The following DLGAP2 variants were observed in gnomAD, a reference collection of about 807,000 sequenced individuals.
DLGAP2 encodes disks large-associated protein 2.
Under a neutral mutation model 100.3 loss-of-function variants are expected in DLGAP2, and 26 were observed. That is an observed-to-expected ratio of 0.26 (90% CI 0.19 to 0.36). DLGAP2 has a LOEUF of 0.36. DLGAP2 is among the 10% of genes least tolerant of loss of function. The pLI is 1.00. For missense variants in DLGAP2, 1,858 were observed against 1,453.2 expected, an observed-to-expected ratio of 1.28 and a Z score of -4.53; for synonymous variants, 886 against 630.1, an observed-to-expected ratio of 1.41 and a Z score of -6.08.
At chr8:1,248,924 A>T (rs899676778) in intron 2 of DLGAP2, among the ~76,000 whole-genome samples, 3 of 152,152 alleles carry the variant, frequency 2.0e-5, no homozygotes, top group African/African-American at 7.2e-5. Context: ...TGAAGGTGAA[A>T]ACTTGACATT....
At chr8:870,247 A>G (rs1797572397) in intron 1 of DLGAP2, among the ~76,000 whole-genome samples, 1 of 152,212 alleles carries the variant, frequency 6.6e-6, no homozygotes, top group Admixed American at 6.5e-5. Flanking sequence ...CTGAGCTGTC[A>G]TCACTTAACA....
intron 2 of DLGAP2, among the ~76,000 whole-genome samples, chr8:912,781 G>A (rs935123669): frequency 9.7e-5 from 14 of 144,880 alleles, no homozygotes; most frequent in East Asian, 2.0e-4. Flanking sequence ...GCGCTATGGT[G>A]CCCACGTTCC....
chr8:1,274,068 G>A (rs921152809), intron 3 of DLGAP2, among the ~76,000 whole-genome samples: 6 of 152,052 alleles, frequency 3.9e-5, no homozygotes, highest in African/African-American at 1.2e-4. Context: ...TTCTAACAGC[G>A]TGACGGCTCT....
chr8:1,668,698 C>G lies in DLGAP2; in HGVS notation c.2160+20C>G, dbSNP rs776597119. 1.5e-5 allele frequency: 23 copies of G among 1,501,400 alleles called. No individual in the cohort carries two copies. In the South Asian group the frequency reaches 2.4e-4, roughly 15 times the overall value. 93.0% of individuals were successfully genotyped at this position (1,501,400 alleles called of 1,614,324 possible). On this transcript the variant is annotated intron_variant, in intron 9 of 14. Transcript: ENST00000637795. Reference sequence around the variant, plus strand: ...ATTCAGGTAGCTGCTCTTGGCCGCCCGTCAGGGCCTCGCTCCACTCAGTCC... The same window carrying G: ...ATTCAGGTAGCTGCTCTTGGCCGCCGGTCAGGGCCTCGCTCCACTCAGTCC...
intron 2 of DLGAP2, among the ~76,000 whole-genome samples, chr8:1,186,559 T>C (rs978660730): frequency 2.0e-5 from 3 of 152,100 alleles, no homozygotes; most frequent in African/African-American, 7.2e-5. Flanking sequence ...CCCTGAGAGA[T>C]GTTATTACGG....
chr8:1,539,197 T>A (rs913534684), intron 4 of DLGAP2, among the ~76,000 whole-genome samples: 4 of 152,162 alleles, frequency 2.6e-5, no homozygotes, highest in Admixed American at 2.0e-4. Context: ...GTCACTCATC[T>A]TTTTTCGTTT....
intron 1 of DLGAP2, among the ~76,000 whole-genome samples, chr8:763,449 T>G (rs1174619771): frequency 6.6e-6 from 1 of 152,194 alleles, no homozygotes. Flanking sequence ...TTAGAAGTTG[T>G]TAAAGGAGGA....
chr8:776,602 T>C (rs1195591344), intron 1 of DLGAP2, among the ~76,000 whole-genome samples: 1 of 152,246 alleles, frequency 6.6e-6, no homozygotes, highest in Non-Finnish European at 1.5e-5. Context: ...TTCATTTCGT[T>C]ATGTACCCAG....
At chr8:822,346 C>T (rs1020074493) in intron 1 of DLGAP2, among the ~76,000 whole-genome samples, 2 of 152,112 alleles carry the variant, frequency 1.3e-5, no homozygotes, top group African/African-American at 2.4e-5. Flanking sequence ...TGGAAGGAAA[C>T]AGGCAGCCGG....
At chr8:1,231,691 C>T (rs1798539375) in intron 2 of DLGAP2, among the ~76,000 whole-genome samples, 1 of 152,090 alleles carries the variant, frequency 6.6e-6, no homozygotes, top group African/African-American at 2.4e-5. Context: ...AATGTGGATG[C>T]AGAAGGTCAT....
At chr8:1,571,723 G>A (rs1465892588) in intron 6 of DLGAP2, among the ~76,000 whole-genome samples, 24 of 134,772 alleles carry the variant, frequency 1.8e-4, no homozygotes, top group East Asian at 7.4e-4. Flanking sequence ...AACTGTGGGG[G>A]CGTCTGATGA....
chr8:1,699,192 T>A (rs546039655), intron 14 of DLGAP2, among the ~76,000 whole-genome samples: 20 of 152,308 alleles, frequency 1.3e-4, no homozygotes, highest in African/African-American at 4.8e-4. Context: ...CTACCCAAGC[T>A]GCGCATAGAG....
intron 1 of DLGAP2, among the ~76,000 whole-genome samples, chr8:765,041 T>C (rs1275240350): frequency 2.0e-5 from 3 of 152,198 alleles, no homozygotes; most frequent in Non-Finnish European, 4.4e-5. Context: ...AAAGTTTGAA[T>C]TGGCATTTAG....
chr8:772,313 C>T (rs1395563759), intron 1 of DLGAP2, among the ~76,000 whole-genome samples: 1 of 152,036 alleles, frequency 6.6e-6, no homozygotes, highest in Non-Finnish European at 1.5e-5. Context: ...ATCTCATAAT[C>T]ATTATATTAA....
intron 6 of DLGAP2, among the ~76,000 whole-genome samples, chr8:1,566,908 G>C (rs1377346669): frequency 6.6e-6 from 1 of 152,224 alleles, no homozygotes; most frequent in East Asian, 1.9e-4. Context: ...AAATTCAAGA[G>C]CTATGGTGTA....
At chr8:797,984 T>TC (rs1563036320) in intron 1 of DLGAP2, among the ~76,000 whole-genome samples, 1 of 152,106 alleles carries the variant, frequency 6.6e-6, no homozygotes, top group Non-Finnish European at 1.5e-5. Flanking sequence ...ACTCCTGATG[T>TC]CGTGATACGC....
chr8:1,695,277 TACAGAAAGAGGG>T (rs1799358210), intron 13 of DLGAP2, among the ~76,000 whole-genome samples: 1 of 142,222 alleles, frequency 7.0e-6, no homozygotes. Context: ...TGCCCGGCCC[TACAGAAAGAGGG>T]GGCACAGTCA....
intron 1 of DLGAP2, among the ~76,000 whole-genome samples, chr8:762,952 C>T (rs1285656468): frequency 6.6e-6 from 1 of 152,140 alleles, no homozygotes; most frequent in African/African-American, 2.4e-5. Flanking sequence ...GCTGGGATTA[C>T]AGGCGTGAGC....
intron 1 of DLGAP2, among the ~76,000 whole-genome samples, chr8:891,901 A>T (rs1338120766): frequency 6.6e-6 from 1 of 152,148 alleles, no homozygotes; most frequent in African/African-American, 2.4e-5. Context: ...CGGGCTAGTG[A>T]CTGGGGCCGC....
Sources: gnomAD v4.1 joint callset for allele counts (sites outside exome capture counted in the v4.1 genomes callset) on GRCh38, gnomAD v4.1.1 for gene constraint, MANE v1.5 for transcripts, NCBI Gene and HGNC (gene_info 2026-07-23, HGNC 2026-07-21) for gene names.